Variants in EYS observed in about 807,000 individuals in gnomAD.
EYS encodes protein eyes shut homolog.
EYS carries 250 observed loss-of-function variants against 282.1 expected under a neutral mutation model. The ratio of observed to expected loss-of-function variants is 0.89; its 90% confidence interval spans 0.80 to 0.98. The LOEUF is 0.98. Among genes scored for constraint, EYS ranks in the 50% least tolerant of loss-of-function variants. EYS has a pLI of 0.00. For missense variants in EYS, 4,016 were observed against 3,709.0 expected (o/e 1.08, Z -2.15); for synonymous variants, 1,355 against 1,282.9 (o/e 1.06, Z -1.20).
At chr6:65,645,337 C>T (rs996082093) in intron 1 of EYS, among the ~76,000 whole-genome samples, 1 of 152,140 alleles carries the variant, frequency 6.6e-6, no homozygotes, top group Non-Finnish European at 1.5e-5. Context: ...AAAGTACTCT[C>T]TCAGACCACA....
chr6:65,669,129 A>C (rs927920754), intron 1 of EYS, among the ~76,000 whole-genome samples: 3 of 151,966 alleles, frequency 2.0e-5, no homozygotes, highest in African/African-American at 7.2e-5. Flanking sequence ...ATTCATGCAG[A>C]TAGGAGGATC....
intron 19 of EYS, among the ~76,000 whole-genome samples, chr6:64,861,562 A>G (rs376718191): frequency 6.6e-6 from 1 of 152,170 alleles, no homozygotes; most frequent in Non-Finnish European, 1.5e-5. Context: ...CCATGGCTGG[A>G]CAGCCTCAGC....
At chr6:64,762,080 T>C (rs898678445) in intron 22 of EYS, among the ~76,000 whole-genome samples, 11 of 152,198 alleles carry the variant, frequency 7.2e-5, no homozygotes, top group Admixed American at 7.2e-4. Context: ...AAAGAAATGA[T>C]AAGTATGTGA....
At chr6:65,495,771 T>C (rs1766233987) in intron 3 of EYS, 88 bp downstream of exon 3, 1 of 322,760 alleles carries the variant, frequency 3.1e-6, no homozygotes, top group African/African-American at 2.2e-5. Context: ...AAAAACATGA[T>C]CAAGATATGT....
chr6:64,675,706 G>T (rs1002292218), intron 22 of EYS, among the ~76,000 whole-genome samples: 2 of 151,810 alleles, frequency 1.3e-5, no homozygotes, highest in African/African-American at 4.8e-5. Flanking sequence ...GGGATTACAG[G>T]CATGAGCCAC....
At chr6:65,301,794 T>G (rs932224683) in intron 11 of EYS, among the ~76,000 whole-genome samples, 6 of 152,160 alleles carry the variant, frequency 3.9e-5, no homozygotes, top group African/African-American at 1.4e-4. Flanking sequence ...CCATAATTGG[T>G]GCGGATTCCT....
chr6:64,415,613 G>C (rs1290282212), intron 28 of EYS, among the ~76,000 whole-genome samples: 2 of 152,134 alleles, frequency 1.3e-5, no homozygotes, highest in Admixed American at 1.3e-4. Flanking sequence ...TATGCATTAA[G>C]AGTAAATGCT....
intron 22 of EYS, among the ~76,000 whole-genome samples, chr6:64,669,658 C>CT (rs1769371938): frequency 6.6e-6 from 1 of 152,064 alleles, no homozygotes; most frequent in African/African-American, 2.4e-5. Flanking sequence ...GCCTTGGTTG[C>CT]TTGGGCCTCA....
chr6:63,899,740 C>CA (rs1562086349), intron 35 of EYS, among the ~76,000 whole-genome samples: 2 of 152,180 alleles, frequency 1.3e-5, no homozygotes, highest in Admixed American at 1.3e-4. Context: ...TTTACTCATG[C>CA]CTCTCCCTTG....
intron 11 of EYS, among the ~76,000 whole-genome samples, chr6:65,317,821 C>CTTTCTTTCTTTCTTT (rs1769340793): frequency 1.9e-5 from 1 of 51,530 alleles, no homozygotes; most frequent in African/African-American, 9.1e-5. Flanking sequence ...TTCCTTCCTT[C>CTTTCTTTCTTTCTTT]CTTCCTTTCT....
intron 16 of EYS, among the ~76,000 whole-genome samples, chr6:64,908,298 G>A (rs1417418736): frequency 6.6e-6 from 1 of 152,166 alleles, no homozygotes; most frequent in African/African-American, 2.4e-5. Flanking sequence ...GACCAGGTGT[G>A]TTGCCTTGGC....
intron 19 of EYS, among the ~76,000 whole-genome samples, chr6:64,877,894 G>T (rs1215777267): frequency 6.6e-6 from 1 of 152,132 alleles, no homozygotes; most frequent in African/African-American, 2.4e-5. Flanking sequence ...AGTATGGAGA[G>T]AATAATTTAT....
chr6:65,554,946 ATGT>A (rs1057048605), intron 2 of EYS, among the ~76,000 whole-genome samples: 1 of 151,960 alleles, frequency 6.6e-6, no homozygotes, highest in African/African-American at 2.4e-5. Flanking sequence ...ATGCATTCAT[ATGT>A]TGTTTTCAAT....
intron 14 of EYS, among the ~76,000 whole-genome samples, chr6:64,986,509 T>TG (rs2150119794): frequency 7.2e-5 from 1 of 13,874 alleles, no homozygotes; most frequent in African/African-American, 8.3e-4. Context: ...GCAATTTTTT[T>TG]TTTTCTAATA....
intron 26 of EYS, among the ~76,000 whole-genome samples, chr6:64,452,546 G>T (rs1007501876): frequency 3.9e-5 from 6 of 152,128 alleles, no homozygotes; most frequent in Non-Finnish European, 8.8e-5. Flanking sequence ...AGCCCGCATT[G>T]CCAAGTCAAT....
intron 12 of EYS, among the ~76,000 whole-genome samples, chr6:65,105,386 T>C (rs1775007059): frequency 1.3e-5 from 2 of 151,812 alleles, no homozygotes; most frequent in African/African-American, 2.4e-5. Context: ...ATAATCATAA[T>C]GTAGTGGTTA....
chr6:64,008,933 A>T (rs1210652444), intron 33 of EYS, among the ~76,000 whole-genome samples: 1 of 152,112 alleles, frequency 6.6e-6, no homozygotes, highest in Admixed American at 6.5e-5. Context: ...GAATCTGACG[A>T]CTATGTGTTT....
intron 12 of EYS, among the ~76,000 whole-genome samples, chr6:65,126,670 G>A (rs992594677): frequency 2.0e-5 from 3 of 152,182 alleles, no homozygotes; most frequent in South Asian, 2.1e-4. Context: ...AGTCAGCTAA[G>A]TATAGGAATA....
intron 15 of EYS, among the ~76,000 whole-genome samples, chr6:64,931,220 A>G (rs1203508150): frequency 6.6e-6 from 1 of 152,156 alleles, no homozygotes; most frequent in Non-Finnish European, 1.5e-5. Flanking sequence ...CATATGGTCC[A>G]TGAAATGCAA....
Sources: allele counts gnomAD v4.1 joint callset (sites outside exome capture counted in the v4.1 genomes callset), GRCh38; gene constraint gnomAD v4.1.1; transcripts MANE v1.5; gene names NCBI Gene and HGNC (gene_info 2026-07-23, HGNC 2026-07-21).